SELENON: variants seen among roughly 807,000 people sequenced by gnomAD.
The protein encoded by SELENON is selenoprotein N, 1.
A neutral mutation model predicts 59.5 loss-of-function variants in SELENON; 44 were observed. That is an observed-to-expected ratio of 0.74 (90% CI 0.58 to 0.95). The LOEUF is 0.95. Ranked by LOEUF, SELENON falls within the 40% of genes least tolerant of loss-of-function variation. The pLI is 0.00. For synonymous variants in SELENON, 320 were observed against 305.6 expected, an observed-to-expected ratio of 1.05 and a Z score of -0.49; for missense variants, 674 against 721.4, an observed-to-expected ratio of 0.93 and a Z score of 0.75.
Position 25,811,542 on chromosome 1 carries a change from G to C in SELENON, c.1092+7G>C, listed in dbSNP as rs367908571. The C allele has an allele frequency of 6.2e-7, 1 of 1,613,496 alleles. No homozygotes were observed. Among genetic ancestry groups the C allele is most frequent in the African/African-American group, 1.3e-5 (1 of 74,926 alleles). On this transcript the variant is annotated splice_region_variant and intron_variant, in intron 8 of 12. Transcript: ENST00000361547. ...CATCGGCTACATACCCCAGGTGAGC[G>C]CACAGGAGGCTCCCATCCAGGTGGG...
chr1:25,805,348 T>C, intron 4 of SELENON, 73 bp downstream of exon 3: 3 of 1,602,950 alleles, frequency 1.9e-6, no homozygotes, highest in Non-Finnish European at 2.6e-6. Flanking sequence ...CATTCATCCA[T>C]CTTTCCTCTG....
At position 25,811,539 on chromosome 1, in the gene SELENON, A is replaced by T. The variant is rs1334361792; in HGVS notation, c.1092+4A>T. 13 of 1,613,838 alleles carry T rather than the reference A, an allele frequency of 8.1e-6. No homozygotes were observed. Among genetic ancestry groups the T allele is most frequent in the Non-Finnish European group, 1.1e-5 (13 of 1,179,892 alleles). Reference sequence around the variant, plus strand: ...GGACATCGGCTACATACCCCAGGTGAGCGCACAGGAGGCTCCCATCCAGGT... The same window carrying T: ...GGACATCGGCTACATACCCCAGGTGTGCGCACAGGAGGCTCCCATCCAGGT... On this transcript the variant is annotated splice_donor_region_variant and intron_variant, in intron 8 of 12. Coordinates refer to ENST00000361547, the MANE Select transcript of SELENON (RefSeq NM_020451.3).
intron 9 of SELENON, among the ~76,000 whole-genome samples, chr1:25,812,432 CACAT>C (rs1210151462): frequency 6.6e-6 from 1 of 150,634 alleles, no homozygotes; most frequent in East Asian, 2.0e-4. Context: ...CCACTTCACA[CACAT>C]ACAAACACAC....
In SELENON at chr1:25,811,873, C is replaced by T; in HGVS notation, c.1275C>T (p.Phe425=). 1 of 1,562,822 alleles carries T rather than the reference C, an allele frequency of 6.4e-7. No homozygotes were observed. ...GCCTGGAGGTGGCCATGTACCCCTT[C>T]AAGAAGGTGAGGCTGGGCAGGGGTG... is the stretch of plus-strand genomic sequence containing the variant. The change falls in exon 9 of 13, where the codon TTC becomes TTT. Residue 425 remains phenylalanine, a synonymous_variant. Coordinates refer to ENST00000361547, the MANE Select transcript of SELENON (RefSeq NM_020451.3).
intron 1 of SELENON, 32 bp from the exon 2 acceptor site, chr1:25,801,011 T>C: frequency 6.3e-7 from 1 of 1,585,342 alleles, no homozygotes; most frequent in Non-Finnish European, 8.7e-7. Context: ...GGCCGCCAAA[T>C]GGTGCCCAGC....
chr1:25,812,243 A>G (rs928662823), intron 9 of SELENON, among the ~76,000 whole-genome samples: 2 of 152,112 alleles, frequency 1.3e-5, no homozygotes, highest in Non-Finnish European at 2.9e-5. Context: ...AGCTTTGGGG[A>G]GGCTGAGGCA....
At chr1:25,810,503 C>A (rs541538455) in intron 7 of SELENON, among the ~76,000 whole-genome samples, 1 of 152,226 alleles carries the variant, frequency 6.6e-6, no homozygotes, top group African/African-American at 2.4e-5. Flanking sequence ...TGAGACCTGG[C>A]TGGGAGCCAG....
In SELENON at chr1:25,818,146, G is replaced by A. The variant is rs931098830; in HGVS notation, c.*2428G>A. On this transcript the variant is annotated 3_prime_UTR_variant, in exon 13 of 13. Transcript: ENST00000361547. Reference sequence around the variant, plus strand: ...GAGGCTCAGGGTGGGAGAGGGCCCCGGGCTGCCCTGTCACTCCTCTAACAC... The same window carrying A: ...GAGGCTCAGGGTGGGAGAGGGCCCCAGGCTGCCCTGTCACTCCTCTAACAC... 3 of 152,360 alleles carry A rather than the reference G, an allele frequency of 2.0e-5. No homozygotes were observed. Among genetic ancestry groups the A allele is most frequent in the East Asian group, 1.9e-4 (1 of 5,202 alleles). 9.4% of individuals were successfully genotyped at this position (152,360 alleles called of 1,614,324 possible).
rs749100423 is a variant in SELENON at position 25,808,757 on chromosome 1, C to T, written c.715C>T (p.Arg239Cys). The change falls in exon 5 of 13, where the codon CGC (arginine) becomes TGC (cysteine). Residue 239 changes from arginine (R) to cysteine (C), a missense_variant. Physicochemically the swap from Arg to Cys is radical, Grantham distance 180. Coordinates refer to ENST00000361547, the MANE Select transcript of SELENON (RefSeq NM_020451.3). Reference sequence around the variant, plus strand: ...GTTCACTGGCTACCTGTCCAACAACCGCTTCTATCCACCGCCGCCCAAGGG... The same window carrying T: ...GTTCACTGGCTACCTGTCCAACAACTGCTTCTATCCACCGCCGCCCAAGGG... 2.0e-5 allele frequency: 32 copies of T among 1,613,810 alleles called. No homozygotes were observed. The highest frequency in any genetic ancestry group is 4.5e-5 in the East Asian group (2 of 44,892).
chr1:25,805,310 T>C, intron 4 of SELENON, 35 bp downstream of exon 3: 1 of 1,613,448 alleles, frequency 6.2e-7, no homozygotes, highest in Non-Finnish European at 8.5e-7. Flanking sequence ...GGGTCATCTG[T>C]GTGTATCCCG....
rs1025694041 is a variant in SELENON at position 25,809,282 on chromosome 1, C to T, written c.872+132C>T. The T allele has an allele frequency of 2.7e-5, 37 of 1,353,924 alleles. No homozygotes were observed. In the Middle Eastern group the frequency reaches 5.8e-4, roughly 21 times the overall value. The allele number at this position is 1,353,924 out of a possible 1,614,324, so 83.9% of individuals were successfully genotyped here. On this transcript the variant is annotated intron_variant, in intron 6 of 12. Transcript: ENST00000361547. ...TGCCGTCTTGGGCAAGCAGCTTTGG[C>T]TCTCTGAGCCTCAGTTTTCTCACCT...
At chr1:25,812,985 A>G (rs913816930) in intron 10 of SELENON, among the ~76,000 whole-genome samples, 193 bp downstream of exon 9, 2 of 152,120 alleles carry the variant, frequency 1.3e-5, no homozygotes, top group African/African-American at 4.8e-5. Flanking sequence ...TGCTGAAGAA[A>G]GGGCCCTGGC....
At position 25,805,194 on chromosome 1, in the gene SELENON, C is replaced by T. The variant is rs202188924; in HGVS notation, c.456C>T (p.Ser152=). 11 of 1,614,102 alleles carry T rather than the reference C, an allele frequency of 6.8e-6. No individual in the cohort carries two copies. The highest frequency in any genetic ancestry group is 5.0e-5 in the Admixed American group (3 of 60,016). The change falls in exon 4 of 13, where the codon AGC becomes AGT. Residue 152 remains serine (S), a synonymous_variant. Transcript: ENST00000361547. The stretch of plus-strand genomic sequence containing the variant: ...AGGAGGAGTTGCCCCCTGACCCTAG[C>T]GAGGAGACGCTCACCATAGAAGCCC...
chr1:25,811,381 G>T lies in SELENON; in HGVS notation c.1011-73G>T. 2.3e-6 allele frequency: 3 copies of T among 1,278,488 alleles called. No individual in the cohort carries two copies. The South Asian group carries it at 3.6e-5, about 15-fold the overall frequency. 79.2% of individuals were successfully genotyped at this position (1,278,488 alleles called of 1,614,324 possible). A position where few individuals can be genotyped will look rare whatever the true frequency, so the allele number is the denominator to read the frequency against. On this transcript the variant is annotated intron_variant, in intron 7 of 12. Coordinates refer to ENST00000361547, the MANE Select transcript of SELENON (RefSeq NM_020451.3). ...ATCTGGAAAGTGGAGACAGTTGCAG[G>T]TATTATGTGAGATAAAGTGTGACAC...
rs375521796 is a variant in SELENON at position 25,805,622 on chromosome 1, CCCCACATACTATGATGATTATTT to C, written c.537+354_537+376del. Among the ~76,000 whole-genome samples, 1,041 of 151,756 alleles carry C rather than the reference CCCCACATACTATGATGATTATTT, an allele frequency of 6.9e-3. 16 individuals carry two copies. Among genetic ancestry groups the C allele is most frequent in the African/African-American group, 0.023 (956 of 41,100 alleles). ...AGTAGAGACCCTGTTAGTGCAGCCG[CCCCACATACTATGATGATTATTT>C]CCCACACACTATGATGATTACTTCC... On this transcript the variant is annotated intron_variant, in intron 4 of 12. Transcript: ENST00000361547.
In SELENON at chr1:25,808,656, A is replaced by C. The variant is rs745937377; in HGVS notation, c.614A>C (p.His205Pro). The C allele has an allele frequency of 2.2e-5, 36 of 1,613,724 alleles. No individual in the cohort carries two copies. Among genetic ancestry groups the C allele is most frequent in the Non-Finnish European group, 3.0e-5 (35 of 1,179,954 alleles). Reference sequence around the variant, plus strand: ...CCAAGTGCAGTGTTTGCCACCCGCCACTTCCAGCCCTTCCTTCCCCCGCCA... The same window carrying C: ...CCAAGTGCAGTGTTTGCCACCCGCCCCTTCCAGCCCTTCCTTCCCCCGCCA... The change falls in exon 5 of 13, where the codon CAC becomes CCC. Residue 205 changes from histidine (H) to proline (P), a missense_variant. By Grantham distance (77) the His-to-Pro change is moderately conservative. Transcript: ENST00000361547.
chr1:25,812,986 G>C (rs1236193822), intron 10 of SELENON, among the ~76,000 whole-genome samples, 194 bp downstream of exon 9: 1 of 152,190 alleles, frequency 6.6e-6, no homozygotes, highest in Non-Finnish European at 1.5e-5. Context: ...GCTGAAGAAA[G>C]GGCCCTGGCA....
intron 3 of SELENON, among the ~76,000 whole-genome samples, chr1:25,804,542 G>T (rs1444372510): frequency 6.6e-6 from 1 of 150,788 alleles, no homozygotes; most frequent in Non-Finnish European, 1.5e-5. Context: ...TACTGGGAAG[G>T]TTATAGACTT....
intron 2 of SELENON, chr1:25,801,929 C>T (rs2047864001): frequency 4.6e-6 from 1 of 215,302 alleles, no homozygotes; most frequent in Non-Finnish European, 9.7e-6. Context: ...TCACAGGTTT[C>T]AGTAGAGAAA....
Sources: allele counts gnomAD v4.1 joint callset (sites outside exome capture counted in the v4.1 genomes callset), GRCh38; gene constraint gnomAD v4.1.1; transcripts MANE v1.5; gene names NCBI Gene and HGNC (gene_info 2026-07-23, HGNC 2026-07-21).